The following FBXL7 variants were observed in gnomAD, a reference collection of about 807,000 sequenced individuals.
FBXL7 encodes the protein F-box/LRR-repeat protein 7.
Under a neutral mutation model 38.3 loss-of-function variants are expected in FBXL7, and 12 were observed. The ratio of observed to expected loss-of-function variants is 0.31; its 90% confidence interval spans 0.20 to 0.51. The LOEUF (loss-of-function observed/expected upper bound fraction) is 0.51. Among genes scored for constraint, FBXL7 ranks in the 20% least tolerant of loss-of-function variants. FBXL7 has a pLI of 0.98. For missense variants in FBXL7, 567 were observed against 676.4 expected, an observed-to-expected ratio of 0.84 and a Z score of 1.79; for synonymous variants, 297 against 300.9, an observed-to-expected ratio of 0.99 and a Z score of 0.13.
intron 2 of FBXL7, among the ~76,000 whole-genome samples, chr5:15,709,223 A>G (rs987433694): frequency 1.3e-5 from 2 of 152,176 alleles, no homozygotes; most frequent in African/African-American, 2.4e-5. Context: ...TTAAGATATT[A>G]CACTGTGGCC....
intron 2 of FBXL7, among the ~76,000 whole-genome samples, chr5:15,759,223 A>C (rs1448645430): frequency 6.6e-6 from 1 of 152,136 alleles, no homozygotes; most frequent in African/African-American, 2.4e-5. Flanking sequence ...TGTTAATATA[A>C]TTCTATCAAT....
chr5:15,767,068 A>C (rs1024971649), intron 2 of FBXL7, among the ~76,000 whole-genome samples: 1 of 152,116 alleles, frequency 6.6e-6, no homozygotes, highest in Non-Finnish European at 1.5e-5. Context: ...ATAGGCAAAC[A>C]TGTGCCATGG....
intron 2 of FBXL7, among the ~76,000 whole-genome samples, chr5:15,818,540 A>C (rs6895822): frequency 0.031 from 4,689 of 152,220 alleles, 251 homozygotes; most frequent in African/African-American, 0.11. Flanking sequence ...AGAAAAAATA[A>C]TCAAGTAAGT....
rs543335477 is a variant in FBXL7, at chr5:15,580,674, C to T, written c.38-35309C>T. On this transcript the variant is annotated intron_variant, in intron 1 of 3. Transcript: ENST00000504595. Reference sequence around the variant, plus strand: ...ATATCAAAGGCAACATGAAAATTAACCTCTGGGTCCGGGAGTGCTGAAGGT... The same window carrying T: ...ATATCAAAGGCAACATGAAAATTAATCTCTGGGTCCGGGAGTGCTGAAGGT... 262 of 985,426 alleles carry T rather than the reference C, an allele frequency of 2.7e-4. No homozygotes were observed. In the South Asian group the frequency reaches 5.6e-3, roughly 21 times the overall value. The allele number at this position is 985,426 out of a possible 1,614,324, so 61.0% of individuals were successfully genotyped here. A position where few individuals can be genotyped will look rare whatever the true frequency, so the allele number is the denominator to read the frequency against.
chr5:15,519,357 A>T (rs1737033445), intron 1 of FBXL7, among the ~76,000 whole-genome samples: 1 of 151,038 alleles, frequency 6.6e-6, no homozygotes, highest in Non-Finnish European at 1.5e-5. Context: ...AAAAATTCTT[A>T]CTCTGCACTA....
intron 2 of FBXL7, among the ~76,000 whole-genome samples, chr5:15,777,720 T>TAAAAAAAAAAAAAAA (rs371293320): frequency 5.9e-4 from 49 of 82,508 alleles, no homozygotes; most frequent in African/African-American, 1.9e-3. Flanking sequence ...CCTATTCTGG[T>TAAAAAAAAAAAAAAA]AAAAAAAAAA....
intron 2 of FBXL7, among the ~76,000 whole-genome samples, chr5:15,873,981 G>A (rs1021754626): frequency 2.0e-5 from 3 of 152,074 alleles, no homozygotes; most frequent in African/African-American, 7.2e-5. Flanking sequence ...GAAAATTTCA[G>A]GCCAATATCC....
chr5:15,710,034 C>T (rs1453158923), intron 2 of FBXL7, among the ~76,000 whole-genome samples: 1 of 152,138 alleles, frequency 6.6e-6, no homozygotes, highest in Non-Finnish European at 1.5e-5. Flanking sequence ...ATACATTCTA[C>T]TTTAAGATCT....
chr5:15,523,611 C>G (rs1304465750), intron 1 of FBXL7, among the ~76,000 whole-genome samples: 1 of 151,902 alleles, frequency 6.6e-6, no homozygotes, highest in Non-Finnish European at 1.5e-5. Context: ...CCGGATTTCA[C>G]GTGGGGCTCC....
intron 2 of FBXL7, among the ~76,000 whole-genome samples, chr5:15,687,393 C>T (rs186824233): frequency 6.6e-6 from 1 of 152,312 alleles, no homozygotes; most frequent in Admixed American, 6.5e-5. Flanking sequence ...TTTGAGCTCA[C>T]TCCCCACTTA....
intron 2 of FBXL7, among the ~76,000 whole-genome samples, chr5:15,870,454 C>T (rs1472787775): frequency 6.6e-6 from 1 of 151,978 alleles, no homozygotes; most frequent in African/African-American, 2.4e-5. Context: ...AAAGTCCCTC[C>T]TGTGGCAGTA....
chr5:15,502,040 A>G (rs781377865), intron 1 of FBXL7, among the ~76,000 whole-genome samples: 26 of 152,082 alleles, frequency 1.7e-4, no homozygotes, highest in Middle Eastern at 3.2e-3. Flanking sequence ...CCACTCCCCA[A>G]AACGTCTTAG....
At position 15,774,246 on chromosome 5, in the gene FBXL7, CT is replaced by C. The variant is rs535506550; in HGVS notation, c.128-153643del. Among the ~76,000 whole-genome samples the C allele has an allele frequency of 2.5e-4, 38 of 152,162 alleles. No homozygotes were observed. The South Asian group carries it at 7.7e-3, about 31-fold the overall frequency. On this transcript the variant is annotated intron_variant, in intron 2 of 3. Coordinates refer to ENST00000504595, the MANE Select transcript of FBXL7 (RefSeq NM_012304.5). ...CTTCTACTACTGACTGACCCTCTTC[CT>C]CCCCTCTAACAAATACTTTTGTGAT...
At chr5:15,897,930 C>A (rs1741143588) in intron 2 of FBXL7, among the ~76,000 whole-genome samples, 1 of 152,174 alleles carries the variant, frequency 6.6e-6, no homozygotes, top group Non-Finnish European at 1.5e-5. Context: ...CCATCACTAT[C>A]AATATATTTC....
intron 2 of FBXL7, among the ~76,000 whole-genome samples, chr5:15,706,841 A>C (rs1336445805): frequency 6.6e-6 from 1 of 152,124 alleles, no homozygotes; most frequent in Non-Finnish European, 1.5e-5. Flanking sequence ...GTGGAGAAGC[A>C]TGGATGCTGT....
intron 2 of FBXL7, among the ~76,000 whole-genome samples, chr5:15,801,620 T>C (rs1199027469): frequency 6.7e-6 from 1 of 149,630 alleles, no homozygotes. Context: ...TAGATATTCA[T>C]TGAAGGGGGA....
rs757666214 is a variant in FBXL7 at position 15,928,191 on chromosome 5, C to G, written c.429C>G (p.Arg143=). 1.1e-5 allele frequency: 18 copies of G among 1,609,836 alleles called. No individual in the cohort carries two copies. Among genetic ancestry groups the G allele is most frequent in the Non-Finnish European group, 1.5e-5 (18 of 1,178,368 alleles). The part of the protein sequence containing the change: ...QLCRCARVCR[R]WYNLAWDPRL... The stretch of plus-strand genomic sequence containing the variant: ...GCCGCTGCGCGCGAGTGTGCCGCCG[C>G]TGGTACAACCTGGCCTGGGACCCGC... The change falls in exon 3 of 4, where the codon CGC becomes CGG. Residue 143 remains arginine, a synonymous_variant. Coordinates refer to ENST00000504595, the MANE Select transcript of FBXL7 (RefSeq NM_012304.5). The surrounding 1 kb of genome is among the most constrained non-coding windows in gnomAD (Gnocchi z 4.0).
At chr5:15,801,656 T>TGTGTGTGTGTGTGTGTGC (rs869247688) in intron 2 of FBXL7, among the ~76,000 whole-genome samples, 7 of 147,024 alleles carry the variant, frequency 4.8e-5, no homozygotes, top group African/African-American at 1.7e-4. Context: ...TGTGTGTGTG[T>TGTGTGTGTGTGTGTGTGC]GCGCGCGCGC....
chr5:15,615,512 T>G (rs984662200), intron 1 of FBXL7, among the ~76,000 whole-genome samples: 2 of 152,244 alleles, frequency 1.3e-5, no homozygotes, highest in African/African-American at 4.8e-5. Flanking sequence ...AAGGAGGACC[T>G]ATTAAAGCAG....
Sources: gnomAD v4.1 joint callset for allele counts (sites outside exome capture counted in the v4.1 genomes callset) on GRCh38, gnomAD v4.1.1 for gene constraint, Gnocchi (gnomAD v3.1) non-coding constraint, MANE v1.5 for transcripts, NCBI Gene and HGNC (gene_info 2026-07-23, HGNC 2026-07-21) for gene names.